The following DCLK1 variants were observed in gnomAD, a reference collection of about 807,000 sequenced individuals.
The protein encoded by DCLK1 is serine/threonine-protein kinase DCLK1.
DCLK1 carries 16 observed loss-of-function variants against 86.2 expected under a neutral mutation model. The ratio of observed to expected loss-of-function variants is 0.19; its 90% CI spans 0.13 to 0.28. DCLK1 has a LOEUF of 0.28. DCLK1 is among the 10% of genes least tolerant of loss of function. DCLK1 has a pLI of 1.00. For missense variants in DCLK1, 590 were observed against 940.2 expected (o/e 0.63, Z 4.87); for synonymous variants, 369 against 370.5 (o/e 1.00, Z 0.05).
intron 4 of DCLK1, among the ~76,000 whole-genome samples, chr13:35,935,427 A>G (rs886243331): frequency 2.0e-5 from 3 of 152,172 alleles, no homozygotes; most frequent in African/African-American, 7.2e-5. Flanking sequence ...GACCTAAGAT[A>G]ATGGCAGTAG....
At chr13:35,849,715 A>T (rs1173578675) in intron 6 of DCLK1, 6 of 985,142 alleles carry the variant, frequency 6.1e-6, no homozygotes, top group Non-Finnish European at 7.2e-6. Context: ...TGCATATGAA[A>T]ATTTCCAAAA....
At chr13:36,110,704 T>A (rs1452951164) in intron 3 of DCLK1, among the ~76,000 whole-genome samples, 2 of 152,004 alleles carry the variant, frequency 1.3e-5, no homozygotes, top group Non-Finnish European at 2.9e-5. Context: ...TCAAAAAAAA[T>A]TTTTTAAAAA....
chr13:36,090,622 G>C (rs910266504), intron 3 of DCLK1, among the ~76,000 whole-genome samples: 16 of 152,200 alleles, frequency 1.1e-4, no homozygotes, highest in African/African-American at 3.9e-4. Flanking sequence ...AAAGAGATCA[G>C]CTAGGGAACT....
chr13:35,991,542 C>T (rs938633862), intron 3 of DCLK1, among the ~76,000 whole-genome samples: 18 of 151,962 alleles, frequency 1.2e-4, no homozygotes, highest in Admixed American at 9.8e-4. Context: ...CATGGCTGTG[C>T]ATGCCCAGTT....
chr13:36,119,270 A>C (rs1050587092), intron 2 of DCLK1, among the ~76,000 whole-genome samples: 9 of 152,336 alleles, frequency 5.9e-5, no homozygotes, highest in African/African-American at 2.2e-4. Context: ...AAATAATGTC[A>C]GTTGATGAGA....
At chr13:36,077,748 C>T (rs1884262612) in intron 3 of DCLK1, among the ~76,000 whole-genome samples, 1 of 152,114 alleles carries the variant, frequency 6.6e-6, no homozygotes, top group South Asian at 2.1e-4. Context: ...TCTGTGGTTG[C>T]TTTAACAAAT....
intron 16 of DCLK1, among the ~76,000 whole-genome samples, chr13:35,789,231 G>A (rs1375202345): frequency 4.6e-5 from 7 of 152,138 alleles, no homozygotes; most frequent in Non-Finnish European, 1.0e-4. Context: ...TGCGTTACTG[G>A]TATGATGCTG....
At chr13:35,873,152 G>T (rs1431676112) in intron 4 of DCLK1, among the ~76,000 whole-genome samples, 1 of 151,876 alleles carries the variant, frequency 6.6e-6, no homozygotes, top group Non-Finnish European at 1.5e-5. Context: ...ACAAAAATTA[G>T]CCGGGTATGG....
At chr13:35,851,346 C>A (rs962148503) in intron 6 of DCLK1, among the ~76,000 whole-genome samples, 1 of 152,118 alleles carries the variant, frequency 6.6e-6, no homozygotes, top group Non-Finnish European at 1.5e-5. Context: ...CCCTGTTCTC[C>A]AACCGACCAC....
At chr13:36,074,177 T>A (rs1884081152) in intron 3 of DCLK1, among the ~76,000 whole-genome samples, 1 of 152,124 alleles carries the variant, frequency 6.6e-6, no homozygotes, top group Non-Finnish European at 1.5e-5. Context: ...TGCTCACTGC[T>A]AAATTTAAGA....
In DCLK1 at chr13:35,804,296, ATTTT is replaced by A. The variant is rs71081286; in HGVS notation, c.1944+1399_1944+1402del. 2.2e-4 allele frequency among the ~76,000 whole-genome samples: 31 copies of A among 139,626 alleles called. 1 individual carries two copies. Among genetic ancestry groups the A allele is most frequent in the African/African-American group, 6.5e-4 (25 of 38,250 alleles). 91.6% of individuals were successfully genotyped at this position (139,626 alleles called of 152,430 possible). A position where few individuals can be genotyped will look rare whatever the true frequency, so the allele number is the denominator to read the frequency against. On this transcript the variant is annotated intron_variant, in intron 15 of 16. Coordinates refer to ENST00000360631, the MANE Select transcript of DCLK1 (RefSeq NM_001330071.2). ...CAGGCGCATACCACCATGCCTAGCT[ATTTT>A]TTTTTTTTTTTTTAATAGAGACGGG...
intron 3 of DCLK1, among the ~76,000 whole-genome samples, chr13:35,990,425 A>G (rs2322829): frequency 2.1e-4 from 32 of 151,742 alleles, no homozygotes; most frequent in Admixed American, 2.6e-4. Context: ...CCAATTGGCT[A>G]TTGCGCCTCT....
intron 3 of DCLK1, among the ~76,000 whole-genome samples, chr13:36,040,971 T>C (rs970058386): frequency 6.6e-6 from 1 of 152,142 alleles, no homozygotes; most frequent in African/African-American, 2.4e-5. Flanking sequence ...GCTTACTTTT[T>C]GGCACTATAA....
At chr13:35,908,219 A>G (rs1874793953) in intron 4 of DCLK1, among the ~76,000 whole-genome samples, 1 of 152,218 alleles carries the variant, frequency 6.6e-6, no homozygotes, top group Non-Finnish European at 1.5e-5. Flanking sequence ...TTAGTATACT[A>G]AAATGTATTA....
intron 3 of DCLK1, among the ~76,000 whole-genome samples, chr13:35,973,750 G>A (rs565343308): frequency 5.2e-4 from 79 of 152,310 alleles, no homozygotes; most frequent in African/African-American, 1.4e-3. Flanking sequence ...GTCAAGGAAC[G>A]GGGAACCTGA....
intron 3 of DCLK1, among the ~76,000 whole-genome samples, chr13:35,971,969 C>A (rs558539279): frequency 2.0e-5 from 3 of 152,164 alleles, no homozygotes; most frequent in Non-Finnish European, 2.9e-5. Context: ...TTCCTTTCTA[C>A]GTCTAGACTA....
chr13:35,875,345 T>C (rs1872533114), intron 4 of DCLK1, among the ~76,000 whole-genome samples: 1 of 152,186 alleles, frequency 6.6e-6, no homozygotes, highest in East Asian at 1.9e-4. Context: ...ATGGTACACA[T>C]TGTTCATAAT....
In DCLK1 at chr13:35,771,015, A is replaced by G. The variant is rs1323789227; in HGVS notation, c.*3520T>C. 3.3e-5 allele frequency: 5 copies of G among 152,212 alleles called. No homozygotes were observed. In the East Asian group the frequency reaches 9.6e-4, roughly 29 times the overall value. 9.4% of individuals were successfully genotyped at this position (152,212 alleles called of 1,614,324 possible). A position where few individuals can be genotyped will look rare whatever the true frequency, so the allele number is the denominator to read the frequency against. ...CTAACCCAGAGAAGGGCTAAGAGCA[A>G]CACAGTAATATTAAGAAAGCTCTCC... On this transcript the variant is annotated 3_prime_UTR_variant, in exon 17 of 17. Transcript: ENST00000360631.
chr13:35,825,728 A>C (rs2087504693), intron 10 of DCLK1, among the ~76,000 whole-genome samples: 4 of 152,240 alleles, frequency 2.6e-5, no homozygotes, highest in African/African-American at 9.6e-5. Context: ...TATAATTTAC[A>C]ATGTTGGTAA....
Sources: allele counts gnomAD v4.1 joint callset (sites outside exome capture counted in the v4.1 genomes callset), GRCh38; gene constraint gnomAD v4.1.1; transcripts MANE v1.5; gene names NCBI Gene and HGNC (gene_info 2026-07-23, HGNC 2026-07-21).